The following EML4 variants were observed in gnomAD, a reference collection of about 807,000 sequenced individuals.
EML4 encodes EMAP like 4.
In EML4, 72 loss-of-function variants were observed where a neutral mutation model predicts 129.0. The ratio of observed to expected loss-of-function variants is 0.56; its 90% CI spans 0.46 to 0.68. EML4 has a LOEUF of 0.68. EML4 is among the 30% of genes least tolerant of loss of function. EML4 has a pLI of 0.00. For synonymous variants in EML4, 532 were observed against 405.0 expected (o/e 1.31, Z -3.77); for missense variants, 1,363 against 1,190.6 (o/e 1.14, Z -2.13).
At chr2:42,256,937 A>G (rs951227880) in intron 3 of EML4, among the ~76,000 whole-genome samples, 2 of 152,238 alleles carry the variant, frequency 1.3e-5, no homozygotes, top group Non-Finnish European at 2.9e-5. Flanking sequence ...TAAAGAAATT[A>G]TATAACTGAA....
intron 20 of EML4, 48 bp downstream of exon 20, chr2:42,325,602 TTATATATATATATATATATA>T (rs10530482): frequency 0.011 from 1,441 of 127,944 alleles, 4 homozygotes; most frequent in East Asian, 0.036. Context: ...ATGATTATAT[TTATATATATATATATATATA>T]TATATATATA....
At position 42,323,300 on chromosome 2, in the gene EML4, T is replaced by C. The variant is rs191432539; in HGVS notation, c.2155-2167T>C. ...TGAAAAGGATGTATGAACCCTGCCA[T>C]ACTCAGAAAATAGCCAACATCCATG... On this transcript the variant is annotated intron_variant, in intron 19 of 22. Coordinates refer to ENST00000318522, the MANE Select transcript of EML4 (RefSeq NM_019063.5). Among the ~76,000 whole-genome samples the C allele has an allele frequency of 2.0e-5, 3 of 152,298 alleles. No homozygotes were observed. In the East Asian group the frequency reaches 5.8e-4, roughly 29 times the overall value.
chr2:42,227,454 T>G (rs1479968775), intron 1 of EML4, among the ~76,000 whole-genome samples: 1 of 151,136 alleles, frequency 6.6e-6, no homozygotes, highest in Non-Finnish European at 1.5e-5. Context: ...CTTTCAAAAT[T>G]AATATGAGCC....
chr2:42,251,979 AT>A (rs1161783325), intron 2 of EML4, among the ~76,000 whole-genome samples: 2 of 152,260 alleles, frequency 1.3e-5, no homozygotes, highest in Non-Finnish European at 2.9e-5. Context: ...CAATTTACAA[AT>A]CAATAAATTG....
chr2:42,325,211 ACTGT>A (rs759814240), intron 19 of EML4: 2 of 562,144 alleles, frequency 3.6e-6, no homozygotes, highest in Admixed American at 1.9e-5. Flanking sequence ...AGTTTAAGAG[ACTGT>A]CTTTCTTGGA....
chr2:42,311,295 C>T (rs940184335), intron 17 of EML4, among the ~76,000 whole-genome samples: 1 of 152,116 alleles, frequency 6.6e-6, no homozygotes, highest in African/African-American at 2.4e-5. Context: ...TGGGCTGGTG[C>T]AGTGCTCACA....
Position 42,244,159 on chromosome 2 carries a change from C to T in EML4, c.26-1346C>T, listed in dbSNP as rs191715345. Among the ~76,000 whole-genome samples the T allele has an allele frequency of 2.8e-5, 4 of 141,000 alleles. No individual in the cohort carries two copies. The East Asian group carries it at 6.0e-4, about 21-fold the overall frequency. 92.5% of individuals were successfully genotyped at this position (141,000 alleles called of 152,430 possible). On this transcript the variant is annotated intron_variant, in intron 1 of 22. Coordinates refer to ENST00000318522, the MANE Select transcript of EML4 (RefSeq NM_019063.5). Reference sequence around the variant, plus strand: ...CTGTTGCCAGGCTGGAGTGCAGTGGCGTGATCTCGGCTCACTGCAACCTTT... The same window carrying T: ...CTGTTGCCAGGCTGGAGTGCAGTGGTGTGATCTCGGCTCACTGCAACCTTT...
chr2:42,284,027 G>A (rs1223873159), intron 8 of EML4, among the ~76,000 whole-genome samples: 1 of 152,212 alleles, frequency 6.6e-6, no homozygotes, highest in Non-Finnish European at 1.5e-5. Flanking sequence ...TATACGTGCT[G>A]TGAGTAATTT....
chr2:42,305,402 C>T (rs953026969), intron 17 of EML4, among the ~76,000 whole-genome samples: 1 of 152,088 alleles, frequency 6.6e-6, no homozygotes, highest in Non-Finnish European at 1.5e-5. Flanking sequence ...TTTGACTTTT[C>T]CTTTGTGAAA....
At chr2:42,295,031 G>A (rs1667865466) in intron 11 of EML4, 94 bp from the exon 12 acceptor site, 2 of 1,119,024 alleles carry the variant, frequency 1.8e-6, no homozygotes. Flanking sequence ...TCAAAATCTT[G>A]CCCTATCGTT....
chr2:42,273,731 C>G (rs1421705979), intron 6 of EML4, among the ~76,000 whole-genome samples: 1 of 152,114 alleles, frequency 6.6e-6, no homozygotes, highest in African/African-American at 2.4e-5. Context: ...TAATCTTTAG[C>G]AAGTACTGGA....
chr2:42,197,541 C>A (rs1671967126), intron 1 of EML4, among the ~76,000 whole-genome samples: 1 of 148,438 alleles, frequency 6.7e-6, no homozygotes, highest in Non-Finnish European at 1.5e-5. Context: ...ATGAAAATAT[C>A]AGTAAATCCA....
At chr2:42,196,915 G>C (rs1459662922) in intron 1 of EML4, among the ~76,000 whole-genome samples, 1 of 152,162 alleles carries the variant, frequency 6.6e-6, no homozygotes, top group Non-Finnish European at 1.5e-5. Context: ...TATAATGGGA[G>C]ATTAGTGTAA....
intron 17 of EML4, among the ~76,000 whole-genome samples, chr2:42,308,058 A>G (rs1269860667): frequency 1.3e-5 from 2 of 152,270 alleles, no homozygotes; most frequent in South Asian, 2.1e-4. Flanking sequence ...CCAGATCTAG[A>G]TATCTTCTAC....
At position 42,203,117 on chromosome 2, in the gene EML4, AT is replaced by A. The variant is rs558486481; in HGVS notation, c.25+33484del. On this transcript the variant is annotated intron_variant, in intron 1 of 22. Coordinates refer to ENST00000318522, the MANE Select transcript of EML4 (RefSeq NM_019063.5). ...ATGTTCTCACCATAAAGAAGTAAGT[AT>A]TTGAGGTTTGGTGGATATGTTAGTT... Among the ~76,000 whole-genome samples the A allele has an allele frequency of 3.9e-3, 596 of 152,326 alleles. 1 individual carries two copies. The highest frequency in any genetic ancestry group is 6.6e-3 in the Non-Finnish European group (449 of 68,032).
intron 1 of EML4, among the ~76,000 whole-genome samples, chr2:42,203,294 A>G (rs1015777190): frequency 2.0e-5 from 3 of 152,202 alleles, no homozygotes; most frequent in Admixed American, 2.0e-4. Flanking sequence ...TTTTCCCCTC[A>G]TGGTCCAGTA....
chr2:42,296,955 A>G (rs1667994801), intron 13 of EML4, among the ~76,000 whole-genome samples: 1 of 152,232 alleles, frequency 6.6e-6, no homozygotes, highest in African/African-American at 2.4e-5. Context: ...TAATGTTTTA[A>G]TTAAATGTTT....
intron 21 of EML4, among the ~76,000 whole-genome samples, chr2:42,327,847 A>G (rs1447242068): frequency 6.6e-6 from 1 of 152,232 alleles, no homozygotes; most frequent in Non-Finnish European, 1.5e-5. Flanking sequence ...TCTCTTTAAC[A>G]ATTTATCTCT....
At chr2:42,247,497 G>A (rs1572623071) in intron 2 of EML4, among the ~76,000 whole-genome samples, 1 of 152,190 alleles carries the variant, frequency 6.6e-6, no homozygotes, top group East Asian at 1.9e-4. Context: ...CTCTGGGTCT[G>A]TGTATTTACA....
Sources: allele counts gnomAD v4.1 joint callset (sites outside exome capture counted in the v4.1 genomes callset), GRCh38; gene constraint gnomAD v4.1.1; transcripts MANE v1.5; gene names NCBI Gene and HGNC (gene_info 2026-07-23, HGNC 2026-07-21).